The following C3orf20 variants were observed in gnomAD, a reference collection of about 807,000 sequenced individuals.
The protein encoded by C3orf20 is uncharacterized protein C3orf20.
C3orf20 carries 76 observed loss-of-function variants against 88.3 expected under a neutral mutation model. That is an observed-to-expected ratio of 0.86 (90% CI 0.72 to 1.04). The LOEUF is 1.04. Among genes scored for constraint, C3orf20 ranks in the 50% least tolerant of loss-of-function variants. C3orf20 has a pLI of 0.00. For synonymous variants in C3orf20, 436 were observed against 437.4 expected (o/e 1.00, Z 0.04); for missense variants, 1,056 against 1,123.3 (o/e 0.94, Z 0.86).
intron 13 of C3orf20, 145 bp downstream of exon 13, chr3:14,757,819 G>T: frequency 2.8e-6 from 2 of 715,282 alleles, no homozygotes; most frequent in Non-Finnish European, 4.5e-6. Flanking sequence ...TGGAGTCTTT[G>T]TGTGTACTCT....
intron 12 of C3orf20, among the ~76,000 whole-genome samples, chr3:14,747,243 G>A (rs1330911498): frequency 6.6e-6 from 1 of 152,170 alleles, no homozygotes. Context: ...TATTACAAGG[G>A]GTAAGAGTCT....
At chr3:14,744,961 C>G (rs547385439) in intron 12 of C3orf20, among the ~76,000 whole-genome samples, 52 of 152,300 alleles carry the variant, frequency 3.4e-4, no homozygotes, top group African/African-American at 1.2e-3. Flanking sequence ...TCTCCATGTT[C>G]CTGTGAATAG....
At chr3:14,712,172 ACG>A (rs201794636) in intron 7 of C3orf20, among the ~76,000 whole-genome samples, 1,497 of 77,634 alleles carry the variant, frequency 0.019, 12 homozygotes, top group African/African-American at 0.038. Context: ...ACGCACACAC[ACG>A]CGCGCGCGCA....
intron 5 of C3orf20, among the ~76,000 whole-genome samples, chr3:14,697,750 C>T (rs892226761): frequency 4.0e-4 from 59 of 147,776 alleles, no homozygotes; most frequent in African/African-American, 1.3e-3. Flanking sequence ...GATGTTCCCC[C>T]CTCTGTGTGC....
chr3:14,724,568 G>A (rs2034282379), intron 10 of C3orf20, among the ~76,000 whole-genome samples: 1 of 152,244 alleles, frequency 6.6e-6, no homozygotes. Context: ...CGTGTGACAA[G>A]TCCAAATGGA....
At chr3:14,720,572 TG>T in intron 9 of C3orf20, among the ~76,000 whole-genome samples, 2 of 151,572 alleles carry the variant, frequency 1.3e-5, no homozygotes, top group Non-Finnish European at 2.9e-5. Context: ...TTGTTGTTGT[TG>T]TTGTTGTTGT....
At position 14,750,575 on chromosome 3, in the gene C3orf20, C is replaced by A. The variant is rs998768818; in HGVS notation, c.1941-6796C>A. Among the ~76,000 whole-genome samples the A allele has an allele frequency of 1.0e-4, 15 of 148,744 alleles. No homozygotes were observed. In the East Asian group the frequency reaches 2.7e-3, roughly 27 times the overall value. On this transcript the variant is annotated intron_variant, in intron 12 of 16. Transcript: ENST00000253697. Reference sequence around the variant, plus strand: ...GTCTTAAAAAAAAAAAAAAAAAATTCTAGGCTGACAAGGTTTTTTTTTCTT... The same window carrying A: ...GTCTTAAAAAAAAAAAAAAAAAATTATAGGCTGACAAGGTTTTTTTTTCTT...
At chr3:14,757,244 G>A (rs2035399847) in intron 12 of C3orf20, 127 bp from the exon 13 acceptor site, 12 of 742,354 alleles carry the variant, frequency 1.6e-5, no homozygotes, top group Non-Finnish European at 2.4e-5. Context: ...GCAGCACATT[G>A]GCAGCAGGGC....
At position 14,684,348 on chromosome 3, in the gene C3orf20, G is replaced by A. The variant is rs201155580; in HGVS notation, c.591G>A (p.Gly197=). ...TCAACTGCCTGATCAGCACAGCCGG[G>A]AGAAGTGGCTACAGCAGCGGACAGT... ...MAFNCLISTA[G]RSGYSSGQLW... Residue 197 remains glycine, a synonymous_variant, in exon 4 of 17, where the codon GGG becomes GGA. Coordinates refer to ENST00000253697, the MANE Select transcript of C3orf20 (RefSeq NM_032137.5). 2 of 1,614,180 alleles carry A rather than the reference G, an allele frequency of 1.2e-6. No individual in the cohort carries two copies. Among genetic ancestry groups the A allele is most frequent in the East Asian group, 2.2e-5 (1 of 44,882 alleles).
At chr3:14,686,112 G>A (rs1222612512) in intron 4 of C3orf20, among the ~76,000 whole-genome samples, 1 of 151,906 alleles carries the variant, frequency 6.6e-6, no homozygotes, top group East Asian at 1.9e-4. Context: ...CGTCTGCCTT[G>A]GCCTCCCAAA....
chr3:14,689,921 A>G, intron 4 of C3orf20, 76 bp from the exon 5 acceptor site: 1 of 1,600,492 alleles, frequency 6.2e-7, no homozygotes. Context: ...TAGAACAAGA[A>G]ATCCATGTTA....
rs187615781 is a variant in C3orf20 at position 14,709,934 on chromosome 3, G to T, written c.1161-4073G>T. ...TTCTATTTTTTTGGAAGAGCTTGAGGAGGATTGGTATTAATTCTTTAAATG... is the reference window on the plus strand; with the variant it reads ...TTCTATTTTTTTGGAAGAGCTTGAGTAGGATTGGTATTAATTCTTTAAATG... On this transcript the variant is annotated intron_variant, in intron 7 of 16. Coordinates refer to ENST00000253697, the MANE Select transcript of C3orf20 (RefSeq NM_032137.5). Among the ~76,000 whole-genome samples the T allele has an allele frequency of 9.2e-5, 14 of 152,292 alleles. No individual in the cohort carries two copies. In the East Asian group the frequency reaches 2.5e-3, roughly 27 times the overall value.
intron 12 of C3orf20, among the ~76,000 whole-genome samples, chr3:14,746,759 A>G (rs986060893): frequency 6.6e-6 from 1 of 152,238 alleles, no homozygotes; most frequent in Non-Finnish European, 1.5e-5. Context: ...GGAGTTTGTC[A>G]TTGAGTTCTG....
chr3:14,758,849 G>A (rs935526583), intron 13 of C3orf20, among the ~76,000 whole-genome samples: 2 of 152,202 alleles, frequency 1.3e-5, no homozygotes, highest in African/African-American at 4.8e-5. Context: ...ATACAGCAAA[G>A]CCATGTTTGT....
chr3:14,677,311 A>T (rs1005809260), intron 1 of C3orf20, among the ~76,000 whole-genome samples: 1 of 152,030 alleles, frequency 6.6e-6, no homozygotes, highest in African/African-American at 2.4e-5. Flanking sequence ...CTGCTTTTAA[A>T]TCTATGCTTA....
chr3:14,683,321 G>A (rs906502754), intron 3 of C3orf20, 124 bp downstream of exon 3: 78 of 1,248,732 alleles, frequency 6.2e-5, no homozygotes, highest in Middle Eastern at 2.8e-4. Flanking sequence ...TTCCCTCTGC[G>A]GCTCCTGGAA....
chr3:14,687,941 C>T (rs2032515123), intron 4 of C3orf20, among the ~76,000 whole-genome samples: 1 of 152,134 alleles, frequency 6.6e-6, no homozygotes, highest in South Asian at 2.1e-4. Flanking sequence ...ATCACACTCC[C>T]TAGCAAGCAT....
At chr3:14,745,225 C>G (rs1360354789) in intron 12 of C3orf20, among the ~76,000 whole-genome samples, 1 of 152,156 alleles carries the variant, frequency 6.6e-6, no homozygotes, top group African/African-American at 2.4e-5. Context: ...GGAGGACCTT[C>G]TGACAGAGCC....
At chr3:14,765,443 G>A (rs2035676658) in intron 15 of C3orf20, 1 of 152,294 alleles carries the variant, frequency 6.6e-6, no homozygotes. Flanking sequence ...TAGAGCAAGG[G>A]AGTCTGCAGT....
Sources: gnomAD v4.1 joint callset for allele counts (sites outside exome capture counted in the v4.1 genomes callset) on GRCh38, gnomAD v4.1.1 for gene constraint, MANE v1.5 for transcripts, NCBI Gene and HGNC (gene_info 2026-07-23, HGNC 2026-07-21) for gene names.